FCRL2: variants seen among roughly 807,000 people sequenced by gnomAD.
FCRL2 encodes the protein Fc receptor-like protein 2.
A neutral mutation model predicts 59.8 loss-of-function variants in FCRL2; 48 were observed. The ratio of observed to expected loss-of-function variants is 0.80; its 90% CI spans 0.64 to 1.02. The LOEUF (loss-of-function observed/expected upper bound fraction) is 1.02, where lower values mean the gene tolerates loss of function less well. FCRL2 is among the 50% of genes least tolerant of loss of function. The pLI, the probability that FCRL2 is intolerant of heterozygous loss-of-function variation, is 0.00. For missense variants in FCRL2, 658 were observed against 597.3 expected, an observed-to-expected ratio of 1.10 and a Z score of -1.06; for synonymous variants, 251 against 229.5, an observed-to-expected ratio of 1.09 and a Z score of -0.85.
chr1:157,771,562 C>T (rs543357666), intron 2 of FCRL2, among the ~76,000 whole-genome samples: 1 of 152,284 alleles, frequency 6.6e-6, no homozygotes, highest in African/African-American at 2.4e-5. Flanking sequence ...TAATCCAAGG[C>T]TTAGTTCCTA....
In FCRL2 at chr1:157,777,068, C is replaced by A. The variant is rs780028310; in HGVS notation, c.6G>T (p.Leu2=). Residue 2 remains leucine, a synonymous_variant, in exon 1 of 12, where the codon CTG becomes CTT. Coordinates refer to ENST00000361516, the MANE Select transcript of FCRL2 (RefSeq NM_030764.4). M[L]LWSLLVIFDA... is the part of the protein sequence containing the mutation. The stretch of plus-strand genomic sequence containing the variant: ...CAAAGATGACCAGCAATGACCACAG[C>A]AGCATGAGGACCTAATCCAGCTATT... 5 of 1,614,182 alleles carry A rather than the reference C, an allele frequency of 3.1e-6. No individual in the cohort carries two copies. The East Asian group carries it at 1.1e-4, about 36-fold the overall frequency.
chr1:157,766,806 A>T, intron 7 of FCRL2, 49 bp downstream of exon 7: 1 of 1,610,550 alleles, frequency 6.2e-7, no homozygotes, highest in South Asian at 1.1e-5. Flanking sequence ...CTATATCAGT[A>T]GTGGAAAGGT....
At position 157,767,456 on chromosome 1, in the gene FCRL2, C is replaced by A. The variant is rs149569046; in HGVS notation, c.937G>T (p.Val313Leu). The change falls in exon 6 of 12, where the codon GTG (valine) becomes TTG (leucine). Residue 313 changes from valine (V) to leucine (L), a missense_variant. Physicochemically the swap from Val to Leu is conservative, Grantham distance 32. Coordinates refer to ENST00000361516, the MANE Select transcript of FCRL2 (RefSeq NM_030764.4). ...TLRSPGAQAA[V>L]GDLLELHCEA... ...CAGTGAAGCTCCAGCAGGTCCCCCA[C>A]TGCAGCCTGGGCCCCAGGAGACCTG... 2.4e-5 allele frequency: 38 copies of A among 1,614,228 alleles called. No homozygotes were observed. The African/African-American group carries it at 4.1e-4, about 18-fold the overall frequency.
rs1028573671 is a variant in FCRL2, at chr1:157,772,938, A to G, written c.53-2272T>C. ...CTCAATTTACAACCTAGTTCTGCCC[A>G]CACTGGTGCCAAGCCAAATCACTTC... On this transcript the variant is annotated intron_variant, in intron 2 of 11. Transcript: ENST00000361516. Among the ~76,000 whole-genome samples, 14 of 152,106 alleles carry G rather than the reference A, an allele frequency of 9.2e-5. 1 individual carries two copies. The highest frequency in any genetic ancestry group is 3.4e-4 in the African/African-American group (14 of 41,418).
At chr1:157,767,021 C>T in intron 6 of FCRL2, 50 bp from the exon 7 acceptor site, 3 of 1,514,360 alleles carry the variant, frequency 2.0e-6, no homozygotes, top group Non-Finnish European at 2.7e-6. Context: ...GACTTGGGCC[C>T]TTCTTATAAA....
intron 7 of FCRL2, among the ~76,000 whole-genome samples, chr1:157,760,534 G>A (rs551586385): frequency 1.2e-4 from 18 of 151,644 alleles, no homozygotes; most frequent in South Asian, 2.1e-4. Flanking sequence ...AGGCTGAGGC[G>A]AGAAAATCGC....
rs1315851533 is a variant in FCRL2, at chr1:157,760,690, AGAAAGAAG to A, written c.1279+6157_1279+6164del. Among the ~76,000 whole-genome samples, 643 of 112,946 alleles carry A rather than the reference AGAAAGAAG, an allele frequency of 5.7e-3. 8 individuals are homozygous for A. Among genetic ancestry groups the A allele is most frequent in the African/African-American group, 0.022 (573 of 26,412 alleles). The allele number at this position is 112,946 out of a possible 152,430, so 74.1% of individuals were successfully genotyped here. A position where few individuals can be genotyped will look rare whatever the true frequency, so the allele number is the denominator to read the frequency against. On this transcript the variant is annotated intron_variant, in intron 7 of 11. Transcript: ENST00000361516. ...AGGAAGGAAGGAAGGAAAGAAAGAA[AGAAAGAAG>A]GAAAGAAAGAAAGAAAGAAAGAAAG...
At chr1:157,763,874 C>G (rs1434648025) in intron 7 of FCRL2, among the ~76,000 whole-genome samples, 2 of 151,764 alleles carry the variant, frequency 1.3e-5, no homozygotes, top group East Asian at 3.9e-4. Context: ...ACTGAAAATA[C>G]AAAAAATTAG....
chr1:157,770,652 C>A lies in FCRL2; in HGVS notation c.67G>T (p.Val23Leu). Reference protein sequence around the residue: ...VTEQADSLTLVAPSSVFEGDS... With the variant: ...VTEQADSLTLLAPSSVFEGDS... Reference sequence around the variant, plus strand: ...CCTTCGAAGACAGAAGAGGGCGCCACAAGGGTCAGCGAATCTGGAAGAGAA... The same window carrying A: ...CCTTCGAAGACAGAAGAGGGCGCCAAAAGGGTCAGCGAATCTGGAAGAGAA... Residue 23 changes from valine (V) to leucine (L), a missense_variant, in exon 3 of 12, where the codon GTG (valine) becomes TTG (leucine). Physicochemically the swap from Val to Leu is conservative, Grantham distance 32 (BLOSUM62 1). Coordinates refer to ENST00000361516, the MANE Select transcript of FCRL2 (RefSeq NM_030764.4). 1 of 1,614,148 alleles carries A rather than the reference C, an allele frequency of 6.2e-7. No individual in the cohort carries two copies. The highest frequency in any genetic ancestry group is 8.5e-7 in the Non-Finnish European group (1 of 1,180,008).
rs1647989260 is a variant in FCRL2 at position 157,749,089 on chromosome 1, C to T, written c.1308-129G>A. On this transcript the variant is annotated intron_variant, in intron 8 of 11. Coordinates refer to ENST00000361516, the MANE Select transcript of FCRL2 (RefSeq NM_030764.4). ...CTCTCTGCTTGGGTGATTTTATGGCCCTTTGTGTAGACTATCTACTTTGAT... is the reference window on the plus strand; with the variant it reads ...CTCTCTGCTTGGGTGATTTTATGGCTCTTTGTGTAGACTATCTACTTTGAT... 7.0e-6 allele frequency: 5 copies of T among 710,670 alleles called. No individual in the cohort carries two copies. The Admixed American group carries it at 1.0e-4, about 15-fold the overall frequency. 44.0% of individuals were successfully genotyped at this position (710,670 alleles called of 1,614,324 possible). A position where few individuals can be genotyped will look rare whatever the true frequency, so the allele number is the denominator to read the frequency against.
intron 10 of FCRL2, 147 bp from the exon 11 acceptor site, chr1:157,747,046 T>G (rs16839019): frequency 0.053 from 43,704 of 824,078 alleles, 1,770 homozygotes; most frequent in South Asian, 0.16. Context: ...CTTAAAGTTG[T>G]TAATACTGAA....
chr1:157,770,789 C>T, intron 2 of FCRL2, 123 bp from the exon 3 acceptor site: 1 of 1,045,076 alleles, frequency 9.6e-7, no homozygotes, highest in South Asian at 1.7e-5. Context: ...AGTTCCAATC[C>T]ATGCCTTAAT....
In FCRL2 at chr1:157,775,785, A is replaced by G. The variant is rs1047957390; in HGVS notation, c.42T>C (p.Thr14=). 1 of 1,614,116 alleles carries G rather than the reference A, an allele frequency of 6.2e-7. No individual in the cohort carries two copies. The highest frequency in any genetic ancestry group is 8.5e-7 in the Non-Finnish European group (1 of 1,179,982). Residue 14 remains threonine (T), a synonymous_variant, in exon 2 of 12, where the codon ACT becomes ACC. Transcript: ENST00000361516. The part of the protein sequence containing the change: ...WSLLVIFDAV[T]EQADSLTLVA... Reference sequence around the variant, plus strand: ...ACAAGGAGGACTCACCTGCCTGTTCAGTGACTGCATCTGTGAGGAGATCAA... The same window carrying G: ...ACAAGGAGGACTCACCTGCCTGTTCGGTGACTGCATCTGTGAGGAGATCAA...
chr1:157,748,505 C>T (rs758981255), intron 10 of FCRL2, 48 bp downstream of exon 10: 1 of 1,316,104 alleles, frequency 7.6e-7, no homozygotes, highest in South Asian at 1.2e-5. Flanking sequence ...CAATGCATCA[C>T]TTTCCTGTGA....
chr1:157,757,867 C>A (rs1249859399), intron 7 of FCRL2, among the ~76,000 whole-genome samples: 1 of 152,180 alleles, frequency 6.6e-6, no homozygotes, highest in Non-Finnish European at 1.5e-5. Flanking sequence ...GAGGATGAGG[C>A]AGGAGAATGG....
chr1:157,757,275 C>A (rs1648665698), intron 7 of FCRL2, among the ~76,000 whole-genome samples: 1 of 152,108 alleles, frequency 6.6e-6, no homozygotes, highest in South Asian at 2.1e-4. Flanking sequence ...TATTGAAGTA[C>A]TAATGCCAAA....
chr1:157,746,715 C>T lies in FCRL2; in HGVS notation c.*21G>A. 3 of 1,611,766 alleles carry T rather than the reference C, an allele frequency of 1.9e-6. No homozygotes were observed. The highest frequency in any genetic ancestry group is 2.5e-6 in the Non-Finnish European group (3 of 1,177,976). Reference sequence around the variant, plus strand: ...ATGCCCCATCCTTGCTGTTGATCTTCCCTTCTGATTCCTCCAAGTGTTATG... The same window carrying T: ...ATGCCCCATCCTTGCTGTTGATCTTTCCTTCTGATTCCTCCAAGTGTTATG... On this transcript the variant is annotated 3_prime_UTR_variant, in exon 12 of 12. Transcript: ENST00000361516.
At chr1:157,758,680 CAAAAAAA>C (rs59716565) in intron 7 of FCRL2, among the ~76,000 whole-genome samples, 1 of 55,402 alleles carries the variant, frequency 1.8e-5, no homozygotes, top group African/African-American at 6.8e-5. Flanking sequence ...CAGTCCCAAG[CAAAAAAA>C]AAAAAAAAAA....
At chr1:157,776,976 A>T (rs112864385) in intron 1 of FCRL2, 67 bp downstream of exon 1, 4 of 1,498,624 alleles carry the variant, frequency 2.7e-6, no homozygotes, top group African/African-American at 2.8e-5. Flanking sequence ...TAAAACCTCC[A>T]ACCTTTTGGG....
Sources: allele counts gnomAD v4.1 joint callset (sites outside exome capture counted in the v4.1 genomes callset), GRCh38; gene constraint gnomAD v4.1.1; transcripts MANE v1.5; gene names NCBI Gene and HGNC (gene_info 2026-07-23, HGNC 2026-07-21).